Variants in AP1G1 observed in about 807,000 individuals in gnomAD.
AP1G1 encodes AP-1 complex subunit gamma-1.
In AP1G1, 7 loss-of-function variants were observed where a neutral mutation model predicts 108.3. The observed-to-expected ratio is 0.06, with a 90% CI of 0.04 to 0.12. AP1G1 has a LOEUF of 0.12. AP1G1 is among the 10% of genes least tolerant of loss of function. AP1G1 has a pLI of 1.00. For synonymous variants in AP1G1, 379 were observed against 353.5 expected (o/e 1.07, Z -0.81); for missense variants, 756 against 1,010.7 (o/e 0.75, Z 3.42).
chr16:71,808,120 T>A, intron 1 of AP1G1: 1 of 1,151,822 alleles, frequency 8.7e-7, no homozygotes, highest in East Asian at 6.4e-5. Context: ...CCGGGAGAAT[T>A]ATTAGACGCT....
chr16:71,777,726 C>T (rs1010290982), intron 2 of AP1G1: 2 of 446,764 alleles, frequency 4.5e-6, no homozygotes, highest in African/African-American at 4.1e-5. Context: ...TTCTCCTCCT[C>T]CTCCACCACT....
At chr16:71,738,889 A>C (rs2045583826) in intron 21 of AP1G1, 53 bp downstream of exon 21, 7 of 1,523,946 alleles carry the variant, frequency 4.6e-6, no homozygotes, top group Non-Finnish European at 6.2e-6. Flanking sequence ...ATGAAAAAAA[A>C]AAGCCAGCCA....
rs375942769 is a variant in AP1G1, at chr16:71,774,488, G to A, written c.306C>T (p.Leu102=). The A allele has an allele frequency of 2.5e-6, 4 of 1,603,372 alleles. No individual in the cohort carries two copies. Among genetic ancestry groups the A allele is most frequent in the Admixed American group, 3.6e-5 (2 of 56,126 alleles). Residue 102 remains leucine, a synonymous_variant, in exon 3 of 23, where the codon CTC becomes CTT. Transcript: ENST00000299980. ...LLDERQDVHL[L]MTNCIKNDLN... ...CTTACTTCTTGATACAGTTGGTCATGAGAAGATGGACATCTTGTCTTTCAT... is the reference window on the plus strand; with the variant it reads ...CTTACTTCTTGATACAGTTGGTCATAAGAAGATGGACATCTTGTCTTTCAT...
In AP1G1 at chr16:71,771,202, C is replaced by T; in HGVS notation, c.519G>A (p.Glu173=). ...HVIRKVPELM[E]MFLPATKNLL... is the part of the protein sequence containing the mutation. ...AATTTTTTGTTGCTGGTAAAAACAT[C>T]TCCATAAGTTCAGGAACTTTCCTGA... Residue 173 remains glutamate (E), a synonymous_variant, in exon 5 of 23, where the codon GAG becomes GAA. Coordinates refer to ENST00000299980, the MANE Select transcript of AP1G1 (RefSeq NM_001128.6). The T allele has an allele frequency of 1.2e-6, 2 of 1,610,880 alleles. No individual in the cohort carries two copies. Among genetic ancestry groups the T allele is most frequent in the Non-Finnish European group, 1.7e-6 (2 of 1,179,158 alleles).
intron 1 of AP1G1, among the ~76,000 whole-genome samples, chr16:71,803,382 CT>C (rs2032877364): frequency 1.3e-5 from 2 of 151,820 alleles, no homozygotes; most frequent in African/African-American, 4.8e-5. Flanking sequence ...TCTGAGTAGG[CT>C]TTTTTTTAAA....
chr16:71,745,708 G>T, intron 17 of AP1G1, 94 bp from the exon 18 acceptor site: 1 of 1,032,866 alleles, frequency 9.7e-7, no homozygotes, highest in Non-Finnish European at 1.5e-6. Context: ...CAAGCATGGA[G>T]ATCTATCTCC....
At chr16:71,790,633 A>G (rs1157866048) in intron 1 of AP1G1, among the ~76,000 whole-genome samples, 1 of 152,192 alleles carries the variant, frequency 6.6e-6, no homozygotes, top group Non-Finnish European at 1.5e-5. Flanking sequence ...ATTCAATAGG[A>G]GCAAGATAGT....
At chr16:71,797,534 C>G (rs139184051) in intron 1 of AP1G1, among the ~76,000 whole-genome samples, 171 of 152,238 alleles carry the variant, frequency 1.1e-3, no homozygotes, top group South Asian at 4.4e-3. Flanking sequence ...GAGACGGTGG[C>G]TCACCCCTGT....
intron 1 of AP1G1, among the ~76,000 whole-genome samples, chr16:71,799,755 G>C (rs7204118): frequency 0.87 from 131,752 of 151,816 alleles, 57,304 homozygotes; most frequent in East Asian, 0.99. Context: ...GAAAATTAGC[G>C]GGGTGTGGTG....
intron 1 of AP1G1, chr16:71,808,212 A>G (rs1886656725): frequency 9.0e-7 from 1 of 1,112,316 alleles, no homozygotes; most frequent in South Asian, 2.0e-5. Flanking sequence ...AACAACATAT[A>G]CACACACACA....
chr16:71,781,375 C>T (rs577254402), intron 2 of AP1G1, among the ~76,000 whole-genome samples: 5 of 152,260 alleles, frequency 3.3e-5, no homozygotes, highest in East Asian at 3.9e-4. Context: ...ATAAAAATCA[C>T]GTAACTGTCA....
At chr16:71,758,382 G>A (rs2030909820) in intron 11 of AP1G1, 1 of 516,448 alleles carries the variant, frequency 1.9e-6, no homozygotes, top group Non-Finnish European at 3.9e-6. Context: ...AGGATCCTGG[G>A]GCGTAAGTAC....
chr16:71,772,490 A>C (rs933592732), intron 4 of AP1G1, among the ~76,000 whole-genome samples: 2 of 152,190 alleles, frequency 1.3e-5, no homozygotes, highest in African/African-American at 2.4e-5. Context: ...CTTTCTGAAC[A>C]AGAGTAGCTC....
In AP1G1 at chr16:71,753,924, T is replaced by C. The variant is rs755704382; in HGVS notation, c.1230-37A>G. On this transcript the variant is annotated intron_variant, in intron 12 of 22. Coordinates refer to ENST00000299980, the MANE Select transcript of AP1G1 (RefSeq NM_001128.6). ...AATGGAAAGGGACACTTGGAACCAG[T>C]AAAATATACCGTTTTCAGTGACTAG... The C allele has an allele frequency of 5.0e-6, 8 of 1,588,442 alleles. No individual in the cohort carries two copies. The East Asian group carries it at 6.7e-5, about 13-fold the overall frequency.
At chr16:71,779,532 G>A (rs1009874745) in intron 2 of AP1G1, among the ~76,000 whole-genome samples, 1 of 151,988 alleles carries the variant, frequency 6.6e-6, no homozygotes, top group East Asian at 1.9e-4. Context: ...GTAGAGATGG[G>A]GTTTTGTCAC....
chr16:71,767,910 AGAC>A, intron 6 of AP1G1: 4 of 1,598,794 alleles, frequency 2.5e-6, no homozygotes, highest in Non-Finnish European at 3.4e-6. Context: ...GATTCCAAAC[AGAC>A]AACAGGAACA....
Position 71,732,821 on chromosome 16 carries a change from G to C in AP1G1, c.*237C>G, listed in dbSNP as rs980208886. 13 of 423,222 alleles carry C rather than the reference G, an allele frequency of 3.1e-5. No homozygotes were observed. Among genetic ancestry groups the C allele is most frequent in the African/African-American group, 2.0e-4 (10 of 49,758 alleles). The allele number at this position is 423,222 out of a possible 1,614,324, so 26.2% of individuals were successfully genotyped here. A position where few individuals can be genotyped will look rare whatever the true frequency, so the allele number is the denominator to read the frequency against. ...GGGGTGGAGAAGTGCGGAAAAAGGA[G>C]AAGAGGAAGAGTGCAAAGTAGCCTC... On this transcript the variant is annotated 3_prime_UTR_variant, in exon 23 of 23. Transcript: ENST00000299980.
intron 6 of AP1G1, chr16:71,767,922 C>A: frequency 6.3e-7 from 1 of 1,595,112 alleles, no homozygotes; most frequent in Non-Finnish European, 8.5e-7. Context: ...ACAACAGGAA[C>A]AAAACATACA....
chr16:71,770,063 TAA>T (rs1270595489), intron 5 of AP1G1, among the ~76,000 whole-genome samples: 3 of 152,222 alleles, frequency 2.0e-5, no homozygotes, highest in Non-Finnish European at 4.4e-5. Flanking sequence ...TACTAACAGA[TAA>T]TTCAAGAGGC....
Sources: gnomAD v4.1 joint callset for allele counts (sites outside exome capture counted in the v4.1 genomes callset) on GRCh38, gnomAD v4.1.1 for gene constraint, MANE v1.5 for transcripts, NCBI Gene and HGNC (gene_info 2026-07-23, HGNC 2026-07-21) for gene names.